Variants in RASAL2 observed in about 807,000 individuals in gnomAD.
RASAL2 encodes the protein RAS protein activator like 2.
Under a neutral mutation model 128.9 loss-of-function variants are expected in RASAL2, and 58 were observed. The observed-to-expected ratio is 0.45, with a 90% CI of 0.36 to 0.56. The LOEUF (loss-of-function observed/expected upper bound fraction) is 0.56, where lower values mean the gene tolerates loss of function less well. RASAL2 is among the 20% of genes least tolerant of loss of function. The pLI, the probability that RASAL2 is intolerant of heterozygous loss-of-function variation, is 0.00. For synonymous variants in RASAL2, 561 were observed against 580.8 expected (o/e 0.97, Z 0.49); for missense variants, 1,360 against 1,601.6 (o/e 0.85, Z 2.57).
At chr1:178,108,684 GTTA>G (rs1659188317) in intron 1 of RASAL2, among the ~76,000 whole-genome samples, 1 of 152,120 alleles carries the variant, frequency 6.6e-6, no homozygotes, top group South Asian at 2.1e-4. Context: ...AATGCAAATA[GTTA>G]TTATAAAAAG....
chr1:178,194,686 A>G (rs1311870980), intron 1 of RASAL2: 7 of 177,900 alleles, frequency 3.9e-5, no homozygotes, highest in Non-Finnish European at 7.4e-5. Flanking sequence ...TGGATTTACT[A>G]GCAGTCTATT....
At chr1:178,439,079 A>T (rs1389913288) in intron 5 of RASAL2, among the ~76,000 whole-genome samples, 1 of 152,092 alleles carries the variant, frequency 6.6e-6, no homozygotes, top group Non-Finnish European at 1.5e-5. Context: ...ATATAAGATA[A>T]CCTTAAAGAG....
rs549345356 is a variant in RASAL2, at chr1:178,460,968, C to G, written c.3252+2424C>G. On this transcript the variant is annotated intron_variant, in intron 14 of 17. Coordinates refer to ENST00000367649, the MANE Select transcript of RASAL2 (RefSeq NM_170692.4). ...AGCTGGGATTACAGATGCCCACCACCACGCCTGGCTAATTTTTGTATTTTT... is the reference window on the plus strand; with the variant it reads ...AGCTGGGATTACAGATGCCCACCACGACGCCTGGCTAATTTTTGTATTTTT... 5.3e-5 allele frequency among the ~76,000 whole-genome samples: 8 copies of G among 152,198 alleles called. No individual in the cohort carries two copies. In the East Asian group the frequency reaches 1.2e-3, roughly 22 times the overall value.
intron 2 of RASAL2, among the ~76,000 whole-genome samples, chr1:178,285,336 G>A (rs1377332006): frequency 6.6e-6 from 1 of 151,262 alleles, no homozygotes; most frequent in Non-Finnish European, 1.5e-5. Context: ...TAGCCAGGAT[G>A]GTCTCGATCT....
At chr1:178,267,106 A>T (rs938753905) in intron 1 of RASAL2, among the ~76,000 whole-genome samples, 1 of 152,144 alleles carries the variant, frequency 6.6e-6, no homozygotes, top group African/African-American at 2.4e-5. Context: ...GCCTAAAATA[A>T]TTTCTTAACT....
intron 1 of RASAL2, among the ~76,000 whole-genome samples, chr1:178,240,443 G>T (rs565347733): frequency 4.2e-4 from 64 of 151,758 alleles, no homozygotes; most frequent in Non-Finnish European, 8.3e-4. Context: ...AAACACAATA[G>T]GTCCATTTTC....
intron 4 of RASAL2, among the ~76,000 whole-genome samples, chr1:178,417,435 G>A (rs1246765646): frequency 3.3e-5 from 5 of 152,014 alleles, no homozygotes; most frequent in African/African-American, 7.3e-5. Flanking sequence ...TAAATACAAT[G>A]TATCATATTA....
At chr1:178,444,929 A>T (rs911867994) in intron 8 of RASAL2, among the ~76,000 whole-genome samples, 1 of 152,192 alleles carries the variant, frequency 6.6e-6, no homozygotes, top group Non-Finnish European at 1.5e-5. Context: ...AAATATGATT[A>T]CAGTGAGAAC....
chr1:178,345,145 G>A (rs1476277509), intron 3 of RASAL2, among the ~76,000 whole-genome samples: 1 of 152,114 alleles, frequency 6.6e-6, no homozygotes, highest in Non-Finnish European at 1.5e-5. Context: ...CATGAAGAGG[G>A]AACCATTGAG....
At position 178,421,938 on chromosome 1, in the gene RASAL2, A is replaced by T. The variant is rs1675169289; in HGVS notation, c.674+1318A>T. On this transcript the variant is annotated intron_variant, in intron 5 of 17. Transcript: ENST00000367649. ...AAAATATTTTTCTTAGTTTCCTGTT[A>T]TTCTATAATTTTCATCATTCCAGGA... Among the ~76,000 whole-genome samples the T allele has an allele frequency of 1.3e-5, 2 of 152,018 alleles. 1 individual carries two copies. The highest frequency in any genetic ancestry group is 4.1e-4 in the South Asian group (2 of 4,834).
chr1:178,218,576 A>G (rs1663505754), intron 1 of RASAL2, among the ~76,000 whole-genome samples: 1 of 152,170 alleles, frequency 6.6e-6, no homozygotes, highest in Non-Finnish European at 1.5e-5. Flanking sequence ...AATCCCAGCT[A>G]CTCGAGAGGC....
chr1:178,111,536 T>C (rs775400604), intron 1 of RASAL2, among the ~76,000 whole-genome samples: 1 of 151,784 alleles, frequency 6.6e-6, no homozygotes, highest in Non-Finnish European at 1.5e-5. Context: ...TCCATTTCCA[T>C]GTTTTCCTAC....
intron 14 of RASAL2, among the ~76,000 whole-genome samples, chr1:178,463,260 T>A: frequency 6.6e-6 from 1 of 151,856 alleles, no homozygotes; most frequent in East Asian, 1.9e-4. Flanking sequence ...TAGCTTACTC[T>A]CTCTCTCTGA....
chr1:178,212,740 T>C (rs1011376238), intron 1 of RASAL2, among the ~76,000 whole-genome samples: 5 of 152,150 alleles, frequency 3.3e-5, no homozygotes, highest in African/African-American at 1.2e-4. Context: ...TCCACCTGCC[T>C]CAGCCTCCCA....
chr1:178,176,906 T>G (rs1236243386), intron 1 of RASAL2, among the ~76,000 whole-genome samples: 1 of 151,988 alleles, frequency 6.6e-6, no homozygotes, highest in Non-Finnish European at 1.5e-5. Context: ...CACCACAGCC[T>G]CCCAAAGAGC....
Position 178,452,591 on chromosome 1 carries a change from C to T in RASAL2, c.1948C>T (p.Arg650Cys), listed in dbSNP as rs374575983. The T allele has an allele frequency of 6.8e-6, 11 of 1,613,872 alleles. No individual in the cohort carries two copies. The highest frequency in any genetic ancestry group is 1.3e-5 in the African/African-American group (1 of 74,886). ...CCTTATGCAGGAGTATCCTGATGAC[C>T]GCACATCTCGGACTCTAACTCTTAT... ...FNLMQEYPDDRTSRTLTLIAK... is the reference protein window; with the variant it reads ...FNLMQEYPDDCTSRTLTLIAK... Residue 650 changes from arginine (R) to cysteine (C), a missense_variant, in exon 11 of 18, where the codon CGC becomes TGC. Physicochemically the swap from Arg to Cys is radical, Grantham distance 180 (BLOSUM62 -3). This residue lies in a region of RASAL2 where 741 missense variants were observed against 868.6 expected (regional missense o/e 0.85). Coordinates refer to ENST00000367649, the MANE Select transcript of RASAL2 (RefSeq NM_170692.4).
intron 1 of RASAL2, among the ~76,000 whole-genome samples, chr1:178,127,771 A>C (rs1659954076): frequency 6.6e-6 from 1 of 152,094 alleles, no homozygotes; most frequent in African/African-American, 2.4e-5. Flanking sequence ...CATAGCCTAT[A>C]CATTTCCCCC....
intron 1 of RASAL2, among the ~76,000 whole-genome samples, chr1:178,182,738 A>G (rs964182476): frequency 1.3e-5 from 2 of 150,372 alleles, no homozygotes; most frequent in African/African-American, 2.4e-5. Context: ...CTATACATGT[A>G]TAGTGGTTTT....
At chr1:178,249,051 T>C (rs1664919251) in intron 1 of RASAL2, among the ~76,000 whole-genome samples, 1 of 152,134 alleles carries the variant, frequency 6.6e-6, no homozygotes, top group African/African-American at 2.4e-5. Context: ...ATCTTTGTGG[T>C]GTTCTTTGTA....
Sources: gnomAD v4.1 joint callset for allele counts (sites outside exome capture counted in the v4.1 genomes callset) on GRCh38, gnomAD v4.1.1 for gene constraint, gnomAD v4.1.1 regional missense constraint, MANE v1.5 for transcripts, NCBI Gene and HGNC (gene_info 2026-07-23, HGNC 2026-07-21) for gene names.